SASH1: variants seen among roughly 807,000 people sequenced by gnomAD.
SASH1 encodes SAM and SH3 domain-containing protein 1.
Under a neutral mutation model 125.2 loss-of-function variants are expected in SASH1, and 44 were observed. That is an observed-to-expected ratio of 0.35 (90% CI 0.28 to 0.45). SASH1 has a LOEUF of 0.45. SASH1 is among the 20% of genes least tolerant of loss of function. The probability of loss-of-function intolerance (pLI) is 1.00; values close to 1 mark genes in which losing one functional copy is unlikely to be tolerated. For synonymous variants in SASH1, 639 were observed against 649.1 expected, an observed-to-expected ratio of 0.98 and a Z score of 0.24; for missense variants, 1,426 against 1,614.5, an observed-to-expected ratio of 0.88 and a Z score of 2.00.
At chr6:148,215,557 G>A in the SASH1 span, among the ~76,000 whole-genome samples, 4 of 152,164 alleles carry the variant, frequency 2.6e-5, no homozygotes, top group Non-Finnish European at 4.4e-5. Context: ...GAGGACAGAT[G>A]CAGACATTTT....
intron 1 of SASH1, chr6:148,280,165 G>T (rs1344540932): frequency 6.6e-6 from 1 of 150,824 alleles, no homozygotes; most frequent in Non-Finnish European, 1.5e-5. Context: ...GAACAGAACA[G>T]CCAAGGTCTC....
At chr6:148,396,570 A>G (rs1181009369) in intron 2 of SASH1, among the ~76,000 whole-genome samples, 1 of 152,024 alleles carries the variant, frequency 6.6e-6, no homozygotes, top group Non-Finnish European at 1.5e-5. Flanking sequence ...TTAATAACTT[A>G]AACCTTCCAA....
At chr6:148,456,040 G>A (rs960127210) in intron 4 of SASH1, among the ~76,000 whole-genome samples, 4 of 152,300 alleles carry the variant, frequency 2.6e-5, no homozygotes, top group Middle Eastern at 3.4e-3. Flanking sequence ...AACGGCCTGC[G>A]TGGCCAGCAG....
chr6:148,244,847 C>T, the SASH1 span, among the ~76,000 whole-genome samples: 1 of 151,024 alleles, frequency 6.6e-6, no homozygotes, highest in South Asian at 2.1e-4. Flanking sequence ...GAAGAAAGAA[C>T]TTCATTTGCC....
At chr6:148,269,352 A>G (rs1015740007), upstream of SASH1, among the ~76,000 whole-genome samples, 1 of 151,842 alleles carries the variant, frequency 6.6e-6, no homozygotes, top group Non-Finnish European at 1.5e-5. Flanking sequence ...GTGCGGTGGC[A>G]CAAACCTCCT....
At chr6:148,326,427 C>T (rs1367063653) in intron 1 of SASH1, among the ~76,000 whole-genome samples, 17 of 59,090 alleles carry the variant, frequency 2.9e-4, no homozygotes, top group African/African-American at 8.1e-4. Flanking sequence ...TTTTTTGAGA[C>T]AGGGTCTCAC....
chr6:148,506,980 C>G (rs1414421747), intron 8 of SASH1, among the ~76,000 whole-genome samples: 1 of 152,062 alleles, frequency 6.6e-6, no homozygotes, highest in Admixed American at 6.5e-5. Context: ...AAGCTTTGGA[C>G]AAATACAAGT....
intron 1 of SASH1, among the ~76,000 whole-genome samples, chr6:148,363,549 C>T (rs923832620): frequency 3.9e-5 from 6 of 151,942 alleles, no homozygotes; most frequent in Non-Finnish European, 7.4e-5. Context: ...TACAGGCGCC[C>T]GCCACCACAC....
At chr6:148,444,619 G>A (rs1776697751) in intron 4 of SASH1, among the ~76,000 whole-genome samples, 1 of 152,194 alleles carries the variant, frequency 6.6e-6, no homozygotes, top group Non-Finnish European at 1.5e-5. Context: ...TTCACTGGAA[G>A]TTTAATAAAG....
intron 17 of SASH1, 127 bp from the exon 18 acceptor site, chr6:148,543,553 G>C: frequency 4.1e-6 from 3 of 730,000 alleles, no homozygotes; most frequent in Non-Finnish European, 6.4e-6. Context: ...GTGATTTTAT[G>C]TTTTTAGTGT....
At chr6:148,402,404 G>A (rs1224614264) in intron 2 of SASH1, among the ~76,000 whole-genome samples, 4 of 151,994 alleles carry the variant, frequency 2.6e-5, no homozygotes, top group Non-Finnish European at 4.4e-5. Context: ...TCTGCCTCCC[G>A]GGTTAAGTGA....
chr6:148,370,155 C>T (rs77816585), intron 1 of SASH1, among the ~76,000 whole-genome samples: 46 of 152,180 alleles, frequency 3.0e-4, no homozygotes, highest in African/African-American at 9.6e-4. Flanking sequence ...AGTGACCTTT[C>T]GAATGTCCCT....
intron 8 of SASH1, chr6:148,513,933 C>T (rs1405186899): frequency 1.0e-6 from 1 of 990,044 alleles, no homozygotes; most frequent in Non-Finnish European, 1.2e-6. Context: ...AACAGCAAGC[C>T]CTGATGGGCC....
chr6:148,305,536 T>C (rs1219824346), intron 1 of SASH1, among the ~76,000 whole-genome samples: 1 of 150,408 alleles, frequency 6.6e-6, no homozygotes, highest in Non-Finnish European at 1.5e-5. Context: ...GGCAGGAGAA[T>C]TGCTTGAACC....
intron 16 of SASH1, among the ~76,000 whole-genome samples, chr6:148,537,277 G>A (rs930004955): frequency 6.6e-6 from 1 of 152,118 alleles, no homozygotes; most frequent in East Asian, 1.9e-4. Flanking sequence ...AGCCTCCCTC[G>A]AAGCGTGGGA....
intron 2 of SASH1, among the ~76,000 whole-genome samples, chr6:148,393,275 G>T (rs1182561021): frequency 1.3e-5 from 2 of 148,914 alleles, no homozygotes; most frequent in Non-Finnish European, 3.0e-5. Flanking sequence ...GGTCAGGCTG[G>T]TCTCAAACTC....
At chr6:148,362,358 G>A (rs1035181020) in intron 1 of SASH1, among the ~76,000 whole-genome samples, 2 of 151,908 alleles carry the variant, frequency 1.3e-5, no homozygotes, top group African/African-American at 2.4e-5. Context: ...GAGTAGCTGG[G>A]ATTACAGGCA....
intron 2 of SASH1, among the ~76,000 whole-genome samples, chr6:148,422,185 C>G (rs550803575): frequency 2.6e-5 from 4 of 152,158 alleles, no homozygotes; most frequent in Non-Finnish European, 5.9e-5. Context: ...ATTTGTTTTG[C>G]AGACAGGGCT....
chr6:148,326,323 C>CAT (rs56276306), intron 1 of SASH1, among the ~76,000 whole-genome samples: 342 of 9,808 alleles, frequency 0.035, 31 homozygotes, highest in South Asian at 0.043. Context: ...CCACCGCATG[C>CAT]ATATATATAT....
Sources: gnomAD v4.1 joint callset for allele counts (sites outside exome capture counted in the v4.1 genomes callset) on GRCh38, gnomAD v4.1.1 for gene constraint, MANE v1.5 for transcripts, NCBI Gene and HGNC (gene_info 2026-07-23, HGNC 2026-07-21) for gene names.